The following MORN5 variants were observed in gnomAD, a reference collection of about 807,000 sequenced individuals.
MORN5 encodes the protein MORN repeat containing 5.
A neutral mutation model predicts 22.1 loss-of-function variants in MORN5; 21 were observed. The observed-to-expected ratio is 0.95, with a 90% CI of 0.67 to 1.37. The LOEUF (loss-of-function observed/expected upper bound fraction) is 1.37, where lower values mean the gene tolerates loss of function less well. Among genes scored for constraint, MORN5 ranks in the 40% most tolerant of loss-of-function variants. MORN5 has a pLI of 0.00. For missense variants in MORN5, 211 were observed against 215.1 expected, an observed-to-expected ratio of 0.98 and a Z score of 0.12; for synonymous variants, 73 against 74.0, an observed-to-expected ratio of 0.99 and a Z score of 0.07.
chr9:122,170,024 C>T (rs545766974), intron 3 of MORN5, among the ~76,000 whole-genome samples: 80 of 152,252 alleles, frequency 5.3e-4, no homozygotes, highest in African/African-American at 1.9e-3. Flanking sequence ...ATCAGCTGGG[C>T]GTGGTGACTA....
chr9:122,197,830 C>A lies in MORN5; in HGVS notation c.440-2055C>A, dbSNP rs1347928464. The stretch of plus-strand genomic sequence containing the variant: ...GTGGCAAAAGTGGGCTCCACCAGCG[C>A]TTAACTCCTTGTGTGCTGACACATC... On this transcript the variant is annotated intron_variant, in intron 4 of 4. Transcript: ENST00000373764. This position sits in a 1 kb window ranked among gnomAD's most constrained non-coding sequence, Gnocchi z 5.7. Among the ~76,000 whole-genome samples the A allele has an allele frequency of 6.6e-6, 1 of 152,208 alleles. No individual in the cohort carries two copies. The highest frequency in any genetic ancestry group is 2.1e-4 in the South Asian group (1 of 4,830).
intron 1 of MORN5, among the ~76,000 whole-genome samples, chr9:122,162,228 A>G (rs139619693): frequency 9.5e-4 from 145 of 152,320 alleles, no homozygotes; most frequent in African/African-American, 3.4e-3. Context: ...TAATGATCAT[A>G]TATGGATGTT....
chr9:122,174,814 G>C, intron 4 of MORN5, 187 bp downstream of exon 4: 1 of 1,443,426 alleles, frequency 6.9e-7, no homozygotes, highest in Non-Finnish European at 9.1e-7. Flanking sequence ...CATAGTCCTA[G>C]AGTGAGGTAA....
intron 4 of MORN5, among the ~76,000 whole-genome samples, chr9:122,199,242 G>A (rs1046190435): frequency 6.6e-6 from 1 of 152,186 alleles, no homozygotes; most frequent in Non-Finnish European, 1.5e-5. Context: ...GTGGACAAGT[G>A]CCTCGGCCTC....
chr9:122,184,468 T>A (rs1281316347), intron 4 of MORN5, among the ~76,000 whole-genome samples: 2 of 152,208 alleles, frequency 1.3e-5, no homozygotes, highest in African/African-American at 2.4e-5. Flanking sequence ...ATCCTCAGTG[T>A]CCAATAGGAG....
intron 4 of MORN5, among the ~76,000 whole-genome samples, chr9:122,192,809 G>T (rs1041624508): frequency 1.3e-5 from 2 of 152,240 alleles, no homozygotes; most frequent in Admixed American, 6.5e-5. Context: ...TGCCCTTGGC[G>T]TGCCTGCCTT....
At chr9:122,187,250 A>G (rs574762122) in intron 4 of MORN5, among the ~76,000 whole-genome samples, 5 of 152,320 alleles carry the variant, frequency 3.3e-5, no homozygotes, top group Non-Finnish European at 5.9e-5. Flanking sequence ...TCCCAAAGGG[A>G]GGAGCCAGTG....
chr9:122,170,315 A>G (rs1829348249), intron 3 of MORN5, among the ~76,000 whole-genome samples: 1 of 149,744 alleles, frequency 6.7e-6, no homozygotes, highest in African/African-American at 2.5e-5. Context: ...AAAAAAAAAA[A>G]TCAAAATGGG....
At chr9:122,173,239 C>T (rs371302594) in intron 3 of MORN5, among the ~76,000 whole-genome samples, 16 of 152,330 alleles carry the variant, frequency 1.1e-4, no homozygotes, top group African/African-American at 3.4e-4. Context: ...CCTTGTCACT[C>T]CACACTTTGC....
chr9:122,170,652 G>T (rs1829352441), intron 3 of MORN5, among the ~76,000 whole-genome samples: 1 of 152,130 alleles, frequency 6.6e-6, no homozygotes, highest in South Asian at 2.1e-4. Flanking sequence ...TTCAGACATG[G>T]TTCCCTGTGG....
At chr9:122,196,836 C>T (rs553592403) in intron 4 of MORN5, among the ~76,000 whole-genome samples, 12 of 152,122 alleles carry the variant, frequency 7.9e-5, no homozygotes, top group African/African-American at 2.9e-4. Context: ...CTCTTCTTGC[C>T]TTTTTTCTTT....
At chr9:122,168,864 T>G (rs1349743327) in intron 2 of MORN5, among the ~76,000 whole-genome samples, 1 of 152,134 alleles carries the variant, frequency 6.6e-6, no homozygotes, top group Non-Finnish European at 1.5e-5. Context: ...CTCACAAGAT[T>G]ATGGAGGCTA....
chr9:122,197,049 T>C lies in MORN5; in HGVS notation c.440-2836T>C, dbSNP rs1224830981. Reference sequence around the variant, plus strand: ...ATTCCCTCATTTTTAGAAATGTACATTTTCCTTTTTCCTGATTCTAAATAG... The same window carrying C: ...ATTCCCTCATTTTTAGAAATGTACACTTTCCTTTTTCCTGATTCTAAATAG... On this transcript the variant is annotated intron_variant, in intron 4 of 4. Coordinates refer to ENST00000373764, the MANE Select transcript of MORN5 (RefSeq NM_198469.4). This position sits in a 1 kb window ranked among gnomAD's most constrained non-coding sequence, Gnocchi z 5.7. Among the ~76,000 whole-genome samples the C allele has an allele frequency of 6.6e-6, 1 of 152,190 alleles. No homozygotes were observed. Among genetic ancestry groups the C allele is most frequent in the Non-Finnish European group, 1.5e-5 (1 of 68,034 alleles).
At chr9:122,185,369 C>T (rs1244347840) in intron 4 of MORN5, among the ~76,000 whole-genome samples, 9 of 146,474 alleles carry the variant, frequency 6.1e-5, no homozygotes, top group African/African-American at 2.3e-4. Context: ...ACTACAGGCG[C>T]CCACCACCAT....
Position 122,183,420 on chromosome 9 carries a change from C to T in MORN5, c.439+8793C>T, listed in dbSNP as rs1829565561. 2.0e-5 allele frequency among the ~76,000 whole-genome samples: 3 copies of T among 152,246 alleles called. No homozygotes were observed. The South Asian group carries it at 6.2e-4, about 32-fold the overall frequency. The stretch of plus-strand genomic sequence containing the variant: ...ACCACTAATCTTTACTCCCTCCTCC[C>T]AATTAATGATACCCCATGCGAGTGT... On this transcript the variant is annotated intron_variant, in intron 4 of 4. Transcript: ENST00000373764.
chr9:122,187,060 C>A (rs900009938), intron 4 of MORN5, among the ~76,000 whole-genome samples: 3 of 152,320 alleles, frequency 2.0e-5, no homozygotes, highest in South Asian at 2.1e-4. Flanking sequence ...CAGAAATAGA[C>A]CCCCCTTCCA....
intron 3 of MORN5, among the ~76,000 whole-genome samples, chr9:122,171,129 G>A (rs1233158559): frequency 6.6e-6 from 1 of 152,186 alleles, no homozygotes; most frequent in Non-Finnish European, 1.5e-5. Flanking sequence ...AGCTGTGGTT[G>A]ACAGAGCATA....
chr9:122,170,052 C>T (rs905551833), intron 3 of MORN5, among the ~76,000 whole-genome samples: 2 of 152,186 alleles, frequency 1.3e-5, no homozygotes, highest in African/African-American at 4.8e-5. Flanking sequence ...AATCCCAGCA[C>T]TTTGGGAGGC....
intron 4 of MORN5, among the ~76,000 whole-genome samples, chr9:122,195,157 G>A (rs1279387794): frequency 6.6e-6 from 1 of 152,186 alleles, no homozygotes; most frequent in Non-Finnish European, 1.5e-5. Context: ...GAGAACATGA[G>A]GATCTCACCT....
Sources: gnomAD v4.1 joint callset for allele counts (sites outside exome capture counted in the v4.1 genomes callset) on GRCh38, gnomAD v4.1.1 for gene constraint, Gnocchi (gnomAD v3.1) non-coding constraint, MANE v1.5 for transcripts, NCBI Gene and HGNC (gene_info 2026-07-23, HGNC 2026-07-21) for gene names.